The following CDK5RAP1 variants were observed in gnomAD, a reference collection of about 807,000 sequenced individuals.
The protein encoded by CDK5RAP1 is mitochondrial tRNA methylthiotransferase CDK5RAP1.
In CDK5RAP1, 62 loss-of-function variants were observed where a neutral mutation model predicts 64.5. That is an observed-to-expected ratio of 0.96 (90% CI 0.78 to 1.19). The LOEUF (loss-of-function observed/expected upper bound fraction) is 1.19. Among genes scored for constraint, CDK5RAP1 ranks in the 50% most tolerant of loss-of-function variants. CDK5RAP1 has a pLI of 0.00. For synonymous variants in CDK5RAP1, 250 were observed against 261.9 expected, an observed-to-expected ratio of 0.95 and a Z score of 0.44; for missense variants, 657 against 735.0, an observed-to-expected ratio of 0.89 and a Z score of 1.23.
chr20:33,388,022 C>T (rs994234581), intron 5 of CDK5RAP1, among the ~76,000 whole-genome samples: 4 of 151,096 alleles, frequency 2.6e-5, no homozygotes, highest in African/African-American at 9.8e-5. Flanking sequence ...GGGCCAAGAT[C>T]GCACCATTGT....
At chr20:33,389,315 C>T (rs1987958902) in intron 5 of CDK5RAP1, among the ~76,000 whole-genome samples, 2 of 151,396 alleles carry the variant, frequency 1.3e-5, no homozygotes, top group Non-Finnish European at 2.9e-5. Flanking sequence ...GCCCGGCCGC[C>T]CCGTCTGAGA....
At chr20:33,367,673 C>A (rs1005345299) in intron 11 of CDK5RAP1, among the ~76,000 whole-genome samples, 1 of 152,154 alleles carries the variant, frequency 6.6e-6, no homozygotes, top group African/African-American at 2.4e-5. Flanking sequence ...CACTCATGTA[C>A]AGCACTTAAC....
Position 33,385,747 on chromosome 20 carries a change from T to TTGTC in CDK5RAP1, c.775_778dup (p.Asn260ArgfsTer5). 6.2e-7 allele frequency: 1 copy of TTGTC among 1,613,512 alleles called. No individual in the cohort carries two copies. The highest frequency in any genetic ancestry group is 8.5e-7 in the Non-Finnish European group (1 of 1,179,800). ...AGGAACAATGCAGTAGCTACACATG[T>TTGTC]TGTCACAGCCTCGCATGATTGACCT... is the stretch of plus-strand genomic sequence containing the variant. On this transcript the variant is annotated frameshift_variant, in exon 7 of 14. Transcript: ENST00000346416. LOFTEE classifies it high-confidence loss of function.
chr20:33,376,970 G>A (rs1986078011), intron 8 of CDK5RAP1, among the ~76,000 whole-genome samples: 2 of 152,094 alleles, frequency 1.3e-5, no homozygotes. Context: ...TCATTCTTAA[G>A]GGCCCTAGGA....
intron 4 of CDK5RAP1, among the ~76,000 whole-genome samples, chr20:33,393,379 G>C (rs1436300429): frequency 6.6e-6 from 1 of 151,970 alleles, no homozygotes; most frequent in Non-Finnish European, 1.5e-5. Flanking sequence ...TTTTTTGCCA[G>C]ATGTTGGAGC....
At chr20:33,369,553 A>G (rs1052426059) in intron 11 of CDK5RAP1, among the ~76,000 whole-genome samples, 2 of 152,114 alleles carry the variant, frequency 1.3e-5, no homozygotes, top group African/African-American at 4.8e-5. Flanking sequence ...CCAAAACACT[A>G]AAAGATACAT....
At chr20:33,380,762 G>C (rs1986649000) in intron 7 of CDK5RAP1, among the ~76,000 whole-genome samples, 1 of 152,136 alleles carries the variant, frequency 6.6e-6, no homozygotes, top group Admixed American at 6.6e-5. Context: ...CCAGTACTTT[G>C]GGAGGCCAAG....
intron 12 of CDK5RAP1, 23 bp downstream of exon 12, chr20:33,366,836 A>C: frequency 6.3e-7 from 1 of 1,589,770 alleles, no homozygotes; most frequent in Non-Finnish European, 8.6e-7. Context: ...AAAACAACAT[A>C]ACACACACAC....
intron 11 of CDK5RAP1, among the ~76,000 whole-genome samples, chr20:33,367,306 A>G (rs1984169888): frequency 6.6e-6 from 1 of 152,258 alleles, no homozygotes; most frequent in Non-Finnish European, 1.5e-5. Context: ...AATGACTCAC[A>G]TATACTAGGT....
At position 33,359,119 on chromosome 20, in the gene CDK5RAP1, G is replaced by A. The variant is rs763723121; in HGVS notation, c.1688C>T (p.Thr563Ile). The A allele has an allele frequency of 6.2e-7, 1 of 1,613,082 alleles. No individual in the cohort carries two copies. Among genetic ancestry groups the A allele is most frequent in the African/African-American group, 1.3e-5 (1 of 74,870 alleles). ...CCTAAGTGTCTGAGAACTGGCTGAG[G>A]TGATCTGAAAGAAAACCAGGCAGAA... The part of the protein sequence containing the change: ...QPGDYVLVKI[T>I]SASSQTLRGH... Residue 563 changes from threonine to isoleucine, a missense_variant, in exon 14 of 14, where the codon ACC (threonine) becomes ATC (isoleucine). Thr to Ile is a moderately conservative substitution (Grantham distance 89). Transcript: ENST00000346416.
intron 1 of CDK5RAP1, among the ~76,000 whole-genome samples, chr20:33,397,831 A>C (rs892807842): frequency 1.3e-5 from 2 of 152,042 alleles, no homozygotes; most frequent in African/African-American, 4.8e-5. Flanking sequence ...ATTTCTACTA[A>C]AAATACAAAA....
intron 1 of CDK5RAP1, among the ~76,000 whole-genome samples, 151 bp downstream of exon 1, chr20:33,401,277 C>A (rs1224491457): frequency 6.6e-6 from 1 of 152,198 alleles, no homozygotes; most frequent in Non-Finnish European, 1.5e-5. Context: ...AGGGTACGAA[C>A]CCCTACAGCC....
At chr20:33,374,046 A>C (rs1446717315) in intron 9 of CDK5RAP1, 69 bp downstream of exon 9, 3 of 1,068,516 alleles carry the variant, frequency 2.8e-6, no homozygotes, top group Admixed American at 1.7e-5. Flanking sequence ...TCTTGGCAAC[A>C]AGGACACTGT....
intron 8 of CDK5RAP1, among the ~76,000 whole-genome samples, chr20:33,374,661 T>G (rs1461285105): frequency 5.3e-5 from 8 of 151,790 alleles, no homozygotes; most frequent in Non-Finnish European, 1.2e-4. Flanking sequence ...TCTCCTGGGT[T>G]CAAGCGATTC....
chr20:33,369,670 C>CT (rs1716938912), intron 11 of CDK5RAP1, among the ~76,000 whole-genome samples: 1 of 152,154 alleles, frequency 6.6e-6, no homozygotes. Context: ...CATCTCAGCA[C>CT]TTTGAGAGAG....
intron 11 of CDK5RAP1, among the ~76,000 whole-genome samples, chr20:33,368,157 C>T (rs1241273590): frequency 1.3e-5 from 2 of 152,196 alleles, no homozygotes; most frequent in African/African-American, 2.4e-5. Flanking sequence ...AATTTGAGTG[C>T]TTGCTCTCAT....
intron 5 of CDK5RAP1, among the ~76,000 whole-genome samples, chr20:33,387,824 T>TG (rs1278534782): frequency 6.6e-6 from 1 of 152,004 alleles, no homozygotes; most frequent in African/African-American, 2.4e-5. Context: ...CCCCACACTT[T>TG]GGGGGGCCGA....
At chr20:33,361,445 G>T (rs1054122058) in intron 12 of CDK5RAP1, among the ~76,000 whole-genome samples, 24 of 152,162 alleles carry the variant, frequency 1.6e-4, no homozygotes, top group Admixed American at 6.6e-5. Flanking sequence ...ATGAAGTCAG[G>T]CAAAGAGAGT....
intron 12 of CDK5RAP1, among the ~76,000 whole-genome samples, chr20:33,364,850 A>G (rs1305491288): frequency 6.6e-6 from 1 of 150,790 alleles, no homozygotes; most frequent in Non-Finnish European, 1.5e-5. Flanking sequence ...GTGGGATTCC[A>G]GGCATGAGCC....
Sources: gnomAD v4.1 joint callset for allele counts (sites outside exome capture counted in the v4.1 genomes callset) on GRCh38, gnomAD v4.1.1 for gene constraint, MANE v1.5 for transcripts, NCBI Gene and HGNC (gene_info 2026-07-23, HGNC 2026-07-21) for gene names.